The following NFIA variants were observed in gnomAD, a reference collection of about 807,000 sequenced individuals.
NFIA encodes the protein nuclear factor 1 A-type.
NFIA carries 8 observed loss-of-function variants against 62.8 expected under a neutral mutation model. That is an observed-to-expected ratio of 0.13 (90% CI 0.07 to 0.23). The LOEUF is 0.23. Among genes scored for constraint, NFIA ranks in the 10% least tolerant of loss-of-function variants. NFIA has a pLI of 1.00. For synonymous variants in NFIA, 235 were observed against 238.1 expected, an observed-to-expected ratio of 0.99 and a Z score of 0.12; for missense variants, 410 against 642.1, an observed-to-expected ratio of 0.64 and a Z score of 3.91.
intron 2 of NFIA, among the ~76,000 whole-genome samples, chr1:61,128,927 T>TG (rs1306254757): frequency 7.7e-6 from 1 of 130,556 alleles, no homozygotes; most frequent in African/African-American, 2.9e-5. Flanking sequence ...TTTTTTTTTT[T>TG]TTTTTTTTTT....
chr1:61,126,139 C>G (rs949646150), intron 2 of NFIA, among the ~76,000 whole-genome samples: 1 of 152,164 alleles, frequency 6.6e-6, no homozygotes, highest in African/African-American at 2.4e-5. Flanking sequence ...TGAGGCAAAT[C>G]TGAAATTAGA....
intron 2 of NFIA, among the ~76,000 whole-genome samples, chr1:61,112,344 G>T (rs892150907): frequency 2.0e-5 from 3 of 151,892 alleles, no homozygotes; most frequent in Non-Finnish European, 4.4e-5. Context: ...TAAAATCAAG[G>T]TACAGTATCA....
At chr1:61,311,198 C>G (rs1047482370) in intron 3 of NFIA, among the ~76,000 whole-genome samples, 2 of 152,122 alleles carry the variant, frequency 1.3e-5, no homozygotes, top group Admixed American at 6.6e-5. Context: ...TCGAGACCAG[C>G]CTGACCAACA....
chr1:61,422,227 C>T (rs1456626589), intron 9 of NFIA, among the ~76,000 whole-genome samples: 1 of 152,180 alleles, frequency 6.6e-6, no homozygotes, highest in Non-Finnish European at 1.5e-5. Flanking sequence ...CCTGCCACTG[C>T]ACTCCAGCCT....
At chr1:61,281,350 CAAAG>C (rs1270866423) in intron 3 of NFIA, among the ~76,000 whole-genome samples, 1 of 152,126 alleles carries the variant, frequency 6.6e-6, no homozygotes, top group African/African-American at 2.4e-5. Context: ...AGTAAGGACT[CAAAG>C]GAAGGTTACC....
At chr1:61,197,398 C>T (rs895615710) in intron 2 of NFIA, among the ~76,000 whole-genome samples, 42 of 151,484 alleles carry the variant, frequency 2.8e-4, no homozygotes, top group Non-Finnish European at 1.2e-4. Flanking sequence ...GCCACCACAT[C>T]CAGCTTATTT....
chr1:61,427,699 A>G (rs1170390483), intron 10 of NFIA, among the ~76,000 whole-genome samples: 1 of 152,192 alleles, frequency 6.6e-6, no homozygotes, highest in Admixed American at 6.5e-5. Flanking sequence ...AGGGTCACAG[A>G]AAGTACAGCA....
chr1:61,215,810 T>C (rs1467414237), intron 2 of NFIA, among the ~76,000 whole-genome samples: 4 of 152,236 alleles, frequency 2.6e-5, no homozygotes, highest in Admixed American at 6.5e-5. Flanking sequence ...CATTTGCCCC[T>C]TTTTTATGTG....
chr1:61,271,594 C>CCCTT (rs1657509519), intron 2 of NFIA, among the ~76,000 whole-genome samples: 1 of 152,082 alleles, frequency 6.6e-6, no homozygotes, highest in African/African-American at 2.4e-5. Context: ...GTGGAGGGAG[C>CCCTT]CCTTCCAAGT....
chr1:61,260,668 C>G (rs112111547), intron 2 of NFIA, among the ~76,000 whole-genome samples: 11,258 of 152,254 alleles, frequency 0.074, 438 homozygotes, highest in South Asian at 0.14. Context: ...GCAAGCTCCG[C>G]CTCCCGGGTT....
chr1:61,270,136 CGAA>C (rs1381042831), intron 2 of NFIA, among the ~76,000 whole-genome samples: 2 of 152,100 alleles, frequency 1.3e-5, no homozygotes, highest in Non-Finnish European at 2.9e-5. Context: ...CACAAAGAAA[CGAA>C]AAACTTGTTG....
At chr1:61,302,344 A>G (rs1570543060) in intron 3 of NFIA, among the ~76,000 whole-genome samples, 1 of 152,216 alleles carries the variant, frequency 6.6e-6, no homozygotes, top group African/African-American at 2.4e-5. Flanking sequence ...CCAAATAGCT[A>G]ATTCATAGCT....
rs1557653528 is a variant in NFIA, at chr1:61,235,516, T to TATAAAAAATAA, written c.560-42003_560-42002insTAAAAAATAAA. On this transcript the variant is annotated intron_variant, in intron 2 of 10. Coordinates refer to ENST00000403491, the MANE Select transcript of NFIA (RefSeq NM_001134673.4). ...TAAATAAATAAATAAAAATAAAAAA[T>TATAAAAAATAA]AAAAAAAAATGAACAAAGGTTGGGT... Among the ~76,000 whole-genome samples the TATAAAAAATAA allele has an allele frequency of 1.5e-4, 21 of 142,666 alleles. 1 individual carries two copies. Among genetic ancestry groups the TATAAAAAATAA allele is most frequent in the Non-Finnish European group, 2.9e-4 (19 of 66,026 alleles). 93.6% of individuals were successfully genotyped at this position (142,666 alleles called of 152,430 possible).
chr1:61,358,372 T>TTTCG, intron 5 of NFIA, among the ~76,000 whole-genome samples: 1 of 104,856 alleles, frequency 9.5e-6, no homozygotes, highest in African/African-American at 5.1e-5. Context: ...TTTTCTTTTC[T>TTTCG]TTCTTTCTTT....
At chr1:61,190,634 TTGTGTC>T (rs1651552001) in intron 2 of NFIA, among the ~76,000 whole-genome samples, 1 of 152,052 alleles carries the variant, frequency 6.6e-6, no homozygotes, top group Admixed American at 6.5e-5. Context: ...ATATACCTGA[TTGTGTC>T]TAGGCATCCA....
At chr1:61,183,504 A>ATTTT (rs1650898035) in intron 2 of NFIA, among the ~76,000 whole-genome samples, 2 of 152,212 alleles carry the variant, frequency 1.3e-5, no homozygotes, top group Non-Finnish European at 2.9e-5. Flanking sequence ...CCATCACTAA[A>ATTTT]AGGGTGGGAA....
chr1:61,169,447 A>G (rs1285835251), intron 2 of NFIA, among the ~76,000 whole-genome samples: 5 of 152,176 alleles, frequency 3.3e-5, no homozygotes, highest in Admixed American at 6.5e-5. Flanking sequence ...TTGTCATTCA[A>G]TCTGCATTTA....
intron 2 of NFIA, among the ~76,000 whole-genome samples, chr1:61,219,933 A>C (rs1455720742): frequency 6.6e-6 from 1 of 152,108 alleles, no homozygotes; most frequent in African/African-American, 2.4e-5. Flanking sequence ...ACTGCACTCC[A>C]GCCTGGAGAC....
intron 2 of NFIA, among the ~76,000 whole-genome samples, chr1:61,120,510 A>G (rs1375363810): frequency 6.6e-6 from 1 of 152,148 alleles, no homozygotes; most frequent in Non-Finnish European, 1.5e-5. Context: ...ATGTCCACTT[A>G]TTTCATGTCT....
Sources: allele counts gnomAD v4.1 joint callset (sites outside exome capture counted in the v4.1 genomes callset), GRCh38; gene constraint gnomAD v4.1.1; transcripts MANE v1.5; gene names NCBI Gene and HGNC (gene_info 2026-07-23, HGNC 2026-07-21).